Variants in HTRA3 observed in about 807,000 individuals in gnomAD.
HTRA3 encodes HtrA serine peptidase 3, also known as serine protease HTRA3.
A neutral mutation model predicts 43.2 loss-of-function variants in HTRA3; 41 were observed. That is an observed-to-expected ratio of 0.95 (90% CI 0.74 to 1.23). The LOEUF is 1.23. HTRA3 is among the 50% of genes most tolerant of loss of function. HTRA3 has a pLI of 0.00. For missense variants in HTRA3, 628 were observed against 647.1 expected (o/e 0.97, Z 0.32); for synonymous variants, 295 against 287.9 (o/e 1.02, Z -0.25).
Position 8,295,697 on chromosome 4 carries a change from C to A in HTRA3, c.1051+1496C>A. The A allele has an allele frequency of 7.0e-7, 1 of 1,420,280 alleles. No homozygotes were observed. Among genetic ancestry groups the A allele is most frequent in the Non-Finnish European group, 9.2e-7 (1 of 1,085,170 alleles). 88.0% of individuals were successfully genotyped at this position (1,420,280 alleles called of 1,614,324 possible). ...ATTGCTTTGCTGTCTCCTCCCAGCC[C>A]CCTCACTGGCAGTTCATTGAGAGCA... On this transcript the variant is annotated intron_variant, in intron 6 of 8. Coordinates refer to ENST00000307358, the MANE Select transcript of HTRA3 (RefSeq NM_053044.5). The surrounding 1 kb of genome is among the most constrained non-coding windows in gnomAD (Gnocchi z 6.9).
intron 1 of HTRA3, 72 bp downstream of exon 1, chr4:8,270,425 C>A: frequency 2.2e-6 from 3 of 1,345,918 alleles, no homozygotes; most frequent in Non-Finnish European, 2.9e-6. Context: ...GAGTTAGGGC[C>A]GAGCTCGAGG....
chr4:8,281,777 CG>C (rs1196469774), intron 1 of HTRA3, among the ~76,000 whole-genome samples: 1 of 152,214 alleles, frequency 6.6e-6, no homozygotes, highest in African/African-American at 2.4e-5. Context: ...AATCTGAGCC[CG>C]GGAAGGGTCC....
At chr4:8,277,869 C>A (rs1035976187) in intron 1 of HTRA3, among the ~76,000 whole-genome samples, 3 of 152,220 alleles carry the variant, frequency 2.0e-5, no homozygotes, top group Non-Finnish European at 2.9e-5. Flanking sequence ...CACTGGGTGG[C>A]AGAGGGGTCT....
In HTRA3 at chr4:8,293,138, G is replaced by A. The variant is rs999907484; in HGVS notation, c.936+785G>A. On this transcript the variant is annotated intron_variant, in intron 5 of 8. Coordinates refer to ENST00000307358, the MANE Select transcript of HTRA3 (RefSeq NM_053044.5). Reference sequence around the variant, plus strand: ...GAAAGGGGCTGGTGGCCCATGTCCTGCTGCCTCAGGCCTCGTGTGCAGATG... The same window carrying A: ...GAAAGGGGCTGGTGGCCCATGTCCTACTGCCTCAGGCCTCGTGTGCAGATG... 7.2e-5 allele frequency among the ~76,000 whole-genome samples: 11 copies of A among 152,210 alleles called. 1 individual carries two copies. The highest frequency in any genetic ancestry group is 5.9e-4 in the Admixed American group (9 of 15,282).
rs895791362 is a variant in HTRA3, at chr4:8,279,137, G to A, written c.386-3300G>A. 3.4e-4 allele frequency among the ~76,000 whole-genome samples: 52 copies of A among 152,064 alleles called. No homozygotes were observed. Among genetic ancestry groups the A allele is most frequent in the African/African-American group, 1.2e-3 (48 of 41,382 alleles). On this transcript the variant is annotated intron_variant, in intron 1 of 8. Coordinates refer to ENST00000307358, the MANE Select transcript of HTRA3 (RefSeq NM_053044.5). The surrounding 1 kb of genome is among the most constrained non-coding windows in gnomAD (Gnocchi z 7.4). ...CTGGGGTGTGGGGTGGGCACGTGCG[G>A]GCTTCTCTTTGGAGACTCTGTGGGA...
At chr4:8,301,030 T>TG (rs1289441842) in intron 6 of HTRA3, among the ~76,000 whole-genome samples, 1 of 139,100 alleles carries the variant, frequency 7.2e-6, no homozygotes, top group African/African-American at 2.5e-5. Context: ...TCATCTTTAT[T>TG]ATTGATTCAC....
At chr4:8,273,270 C>G (rs1415902918) in intron 1 of HTRA3, among the ~76,000 whole-genome samples, 1 of 152,206 alleles carries the variant, frequency 6.6e-6, no homozygotes, top group East Asian at 1.9e-4. Flanking sequence ...CAGGCTCAGC[C>G]TCCATGGAGT....
At chr4:8,289,486 G>A (rs1004700735) in intron 3 of HTRA3, among the ~76,000 whole-genome samples, 2 of 152,218 alleles carry the variant, frequency 1.3e-5, no homozygotes, top group African/African-American at 2.4e-5. Context: ...CGAGACTAGG[G>A]GCAGGTCTGT....
intron 6 of HTRA3, among the ~76,000 whole-genome samples, chr4:8,301,060 A>G (rs1713631431): frequency 6.8e-6 from 1 of 147,254 alleles, no homozygotes; most frequent in Non-Finnish European, 1.5e-5. Flanking sequence ...TTTATTATCG[A>G]TTCACACTCT....
intron 6 of HTRA3, among the ~76,000 whole-genome samples, chr4:8,298,067 G>A (rs574483795): frequency 5.9e-5 from 9 of 152,266 alleles, no homozygotes; most frequent in African/African-American, 1.7e-4. Flanking sequence ...CTCCACCTCC[G>A]GGTCCAGCAC....
chr4:8,293,530 C>T (rs1713323016), intron 5 of HTRA3, among the ~76,000 whole-genome samples: 1 of 152,110 alleles, frequency 6.6e-6, no homozygotes, highest in Non-Finnish European at 1.5e-5. Flanking sequence ...GGGTGGGGCT[C>T]CTTTCCAGGA....
At chr4:8,282,076 G>A (rs942566755) in intron 1 of HTRA3, among the ~76,000 whole-genome samples, 7 of 152,334 alleles carry the variant, frequency 4.6e-5, no homozygotes, top group Middle Eastern at 6.8e-3. Flanking sequence ...ACAAGGCCCA[G>A]GGGGACTAAC....
chr4:8,294,052 C>G, intron 5 of HTRA3, 35 bp from the exon 6 acceptor site: 1 of 1,474,266 alleles, frequency 6.8e-7, no homozygotes, highest in East Asian at 2.4e-5. Flanking sequence ...GCCTGGGTTC[C>G]CCCAACTGAT....
intron 8 of HTRA3, among the ~76,000 whole-genome samples, chr4:8,305,693 G>A (rs1163579749): frequency 3.3e-5 from 5 of 152,264 alleles, no homozygotes; most frequent in African/African-American, 7.2e-5. Context: ...AGGCACAAGG[G>A]GACAGAGTGC....
chr4:8,304,167 C>A lies in HTRA3; in HGVS notation c.1101-17C>A. 1 of 1,608,448 alleles carries A rather than the reference C, an allele frequency of 6.2e-7. No homozygotes were observed. The highest frequency in any genetic ancestry group is 1.1e-5 in the South Asian group (1 of 90,858). On this transcript the variant is annotated splice_polypyrimidine_tract_variant and intron_variant, in intron 7 of 8. Transcript: ENST00000307358. ...CAAAGGCTCAGGGGAGGGGCCTTGACGGCAGACTCTTTCCAGCCTGGTGGA... is the reference window on the plus strand; with the variant it reads ...CAAAGGCTCAGGGGAGGGGCCTTGAAGGCAGACTCTTTCCAGCCTGGTGGA...
chr4:8,284,669 C>A (rs1240677337), intron 2 of HTRA3, among the ~76,000 whole-genome samples: 1 of 152,188 alleles, frequency 6.6e-6, no homozygotes, highest in Non-Finnish European at 1.5e-5. Flanking sequence ...GTGGGTGTGG[C>A]AGAAGCTGGC....
rs1197570969 is a variant in HTRA3 at position 8,297,408 on chromosome 4, A to G, written c.1051+3207A>G. The stretch of plus-strand genomic sequence containing the variant: ...TCAGAGGGGACCACAGTCATTGTTC[A>G]AATGCTGGCTCTGTGTCTTGGACTC... On this transcript the variant is annotated intron_variant, in intron 6 of 8. Transcript: ENST00000307358. The surrounding 1 kb of genome is among the most constrained non-coding windows in gnomAD (Gnocchi z 5.8). Among the ~76,000 whole-genome samples the G allele has an allele frequency of 6.6e-6, 1 of 152,112 alleles. No individual in the cohort carries two copies. Among genetic ancestry groups the G allele is most frequent in the Non-Finnish European group, 1.5e-5 (1 of 68,002 alleles).
intron 1 of HTRA3, among the ~76,000 whole-genome samples, chr4:8,272,211 C>T (rs989234124): frequency 9.9e-5 from 15 of 152,160 alleles, no homozygotes; most frequent in African/African-American, 3.1e-4. Flanking sequence ...TTCTGGAGTT[C>T]GCGTCATGAG....
rs1713226712 is a variant in HTRA3, at chr4:8,291,278, C to T, written c.709-92C>T. The T allele has an allele frequency of 3.6e-5, 41 of 1,152,996 alleles. 1 individual carries two copies. In the South Asian group the frequency reaches 5.2e-4, roughly 14 times the overall value. The allele number at this position is 1,152,996 out of a possible 1,614,324, so 71.4% of individuals were successfully genotyped here. ...GCTTTGCACAGATGTGCATGCCTTCCCTGGGACCCCCCTGCCAGGATCTGA... is the reference window on the plus strand; with the variant it reads ...GCTTTGCACAGATGTGCATGCCTTCTCTGGGACCCCCCTGCCAGGATCTGA... On this transcript the variant is annotated intron_variant, in intron 3 of 8. Transcript: ENST00000307358.
Sources: allele counts gnomAD v4.1 joint callset (sites outside exome capture counted in the v4.1 genomes callset), GRCh38; gene constraint gnomAD v4.1.1; non-coding constraint Gnocchi (gnomAD v3.1); transcripts MANE v1.5; gene names NCBI Gene and HGNC (gene_info 2026-07-23, HGNC 2026-07-21).